Variants in CLNS1A observed in about 807,000 individuals in gnomAD.
CLNS1A encodes the protein chloride nucleotide-sensitive channel 1A.
In CLNS1A, 16 loss-of-function variants were observed where a neutral mutation model predicts 29.4. The ratio of observed to expected loss-of-function variants is 0.54; its 90% CI spans 0.37 to 0.83. CLNS1A has a LOEUF of 0.83. Ranked by LOEUF, CLNS1A falls within the 40% of genes least tolerant of loss-of-function variation. The pLI, the probability that CLNS1A is intolerant of heterozygous loss-of-function variation, is 0.00. For missense variants in CLNS1A, 235 were observed against 287.4 expected (o/e 0.82, Z 1.32); for synonymous variants, 96 against 104.8 (o/e 0.92, Z 0.51).
At chr11:77,631,402 G>A (rs1228249809) in intron 1 of CLNS1A, among the ~76,000 whole-genome samples, 1 of 149,922 alleles carries the variant, frequency 6.7e-6, no homozygotes, top group South Asian at 2.1e-4. Flanking sequence ...CTCGCTGCAA[G>A]CTCCGCCTCT....
At chr11:77,637,253 A>AAAAAAAAG (rs1554980852) in intron 1 of CLNS1A, among the ~76,000 whole-genome samples, 2 of 147,108 alleles carry the variant, frequency 1.4e-5, no homozygotes, top group African/African-American at 5.0e-5. Context: ...TAAAAAAAAA[A>AAAAAAAAG]AAAAAAGAAA....
intron 1 of CLNS1A, among the ~76,000 whole-genome samples, chr11:77,636,157 A>G (rs1178772934): frequency 6.6e-6 from 1 of 151,748 alleles, no homozygotes; most frequent in Non-Finnish European, 1.5e-5. Flanking sequence ...CGCAGCCTCG[A>G]CCTCCTGGGC....
intron 2 of CLNS1A, 50 bp from the exon 3 acceptor site, chr11:77,625,868 G>A (rs1030708744): frequency 2.9e-6 from 4 of 1,357,712 alleles, no homozygotes; most frequent in African/African-American, 1.5e-5. Flanking sequence ...TTAAAAAAAT[G>A]AAGCATATTG....
chr11:77,619,011 T>A (rs893782711), intron 6 of CLNS1A, among the ~76,000 whole-genome samples: 16 of 152,112 alleles, frequency 1.1e-4, no homozygotes, highest in African/African-American at 3.6e-4. Context: ...TAGGAGGAAG[T>A]TGTAGTGGGG....
Position 77,615,859 on chromosome 11 carries a change from T to G in CLNS1A, c.*859A>C, listed in dbSNP as rs1306498843. 6.6e-6 allele frequency: 1 copy of G among 152,146 alleles called. No homozygotes were observed. Among genetic ancestry groups the G allele is most frequent in the Admixed American group, 6.6e-5 (1 of 15,260 alleles). 9.4% of individuals were successfully genotyped at this position (152,146 alleles called of 1,614,324 possible). A position where few individuals can be genotyped will look rare whatever the true frequency, so the allele number is the denominator to read the frequency against. ...AAAAGTCCAAGTATAAATCAGTAAT[T>G]ACAAATCAGCCTTATAATACCCAGG... On this transcript the variant is annotated 3_prime_UTR_variant, in exon 7 of 7. Coordinates refer to ENST00000525428, the MANE Select transcript of CLNS1A (RefSeq NM_001293.3).
chr11:77,632,983 A>G (rs999950913), intron 1 of CLNS1A, among the ~76,000 whole-genome samples: 1 of 148,418 alleles, frequency 6.7e-6, no homozygotes, highest in African/African-American at 2.5e-5. Flanking sequence ...GCTACTTGGG[A>G]GGCTGAGGCA....
intron 5 of CLNS1A, among the ~76,000 whole-genome samples, chr11:77,620,546 C>G (rs1043145365): frequency 6.6e-6 from 1 of 152,226 alleles, no homozygotes; most frequent in Admixed American, 6.5e-5. Context: ...CGCCTGTAAT[C>G]CCAGCACTTT....
At chr11:77,628,955 T>A (rs933908096) in intron 2 of CLNS1A, among the ~76,000 whole-genome samples, 5 of 152,160 alleles carry the variant, frequency 3.3e-5, no homozygotes, top group African/African-American at 9.7e-5. Flanking sequence ...GGCATCTAAC[T>A]GCTAGACACC....
chr11:77,632,926 A>C (rs1343851709), intron 1 of CLNS1A, among the ~76,000 whole-genome samples: 3 of 151,836 alleles, frequency 2.0e-5, no homozygotes, highest in African/African-American at 7.3e-5. Flanking sequence ...GTCTCTATTA[A>C]AAATACGAAA....
chr11:77,620,665 C>G (rs150848443), intron 5 of CLNS1A, among the ~76,000 whole-genome samples: 1 of 151,802 alleles, frequency 6.6e-6, no homozygotes, highest in South Asian at 2.1e-4. Flanking sequence ...AAAAATTACC[C>G]GGGCATGGTG....
intron 2 of CLNS1A, among the ~76,000 whole-genome samples, chr11:77,628,089 G>A (rs1000147774): frequency 3.9e-5 from 6 of 152,194 alleles, no homozygotes; most frequent in African/African-American, 9.7e-5. Flanking sequence ...CTCCCAAAGT[G>A]TTGGGATTAC....
In CLNS1A at chr11:77,625,836, C is replaced by A; in HGVS notation, c.263-18G>T. On this transcript the variant is annotated intron_variant, in intron 2 of 6. Transcript: ENST00000525428. ...TGATTCTTCTAGAAAATAAAATACCCTTTTAATGTCATTATTTGACTTTAA... is the reference window on the plus strand; with the variant it reads ...TGATTCTTCTAGAAAATAAAATACCATTTTAATGTCATTATTTGACTTTAA... 2 of 1,511,746 alleles carry A rather than the reference C, an allele frequency of 1.3e-6. No homozygotes were observed. The highest frequency in any genetic ancestry group is 1.8e-6 in the Non-Finnish European group (2 of 1,100,922). The allele number at this position is 1,511,746 out of a possible 1,614,324, so 93.6% of individuals were successfully genotyped here. A position where few individuals can be genotyped will look rare whatever the true frequency, so the allele number is the denominator to read the frequency against.
intron 6 of CLNS1A, 21 bp downstream of exon 6, chr11:77,619,585 G>A (rs749505776): frequency 8.8e-6 from 12 of 1,369,054 alleles, no homozygotes; most frequent in Non-Finnish European, 1.3e-5. Flanking sequence ...TCAGCGACAA[G>A]GGAGAAAATG....
chr11:77,636,504 G>A (rs1296012229), intron 1 of CLNS1A, among the ~76,000 whole-genome samples: 1 of 152,102 alleles, frequency 6.6e-6, no homozygotes, highest in Admixed American at 6.6e-5. Flanking sequence ...CTTGTTCAAT[G>A]TCTAAATTTC....
At chr11:77,622,348 T>C (rs1315920094) in intron 5 of CLNS1A, 152 bp downstream of exon 5, 4 of 636,198 alleles carry the variant, frequency 6.3e-6, no homozygotes, top group Non-Finnish European at 1.0e-5. Flanking sequence ...ACAAATGACA[T>C]AAGCATTCCT....
In CLNS1A at chr11:77,615,976, A is replaced by G. The variant is rs1958902697; in HGVS notation, c.*742T>C. On this transcript the variant is annotated 3_prime_UTR_variant, in exon 7 of 7. Transcript: ENST00000525428. ...GGCAGAAATCCCCTGAAATGTGTTA[A>G]ATCTTTGCCTTACTAAATACTTGCC... is the stretch of plus-strand genomic sequence containing the variant. 2.0e-5 allele frequency: 3 copies of G among 152,202 alleles called. No individual in the cohort carries two copies. In the South Asian group the frequency reaches 6.2e-4, roughly 31 times the overall value. 9.4% of individuals were successfully genotyped at this position (152,202 alleles called of 1,614,324 possible).
intron 3 of CLNS1A, chr11:77,625,500 CAG>C (rs886344707): frequency 2.4e-5 from 12 of 506,704 alleles, no homozygotes; most frequent in African/African-American, 7.8e-5. Flanking sequence ...ACCCAGATGA[CAG>C]AGTGTCTACA....
intron 1 of CLNS1A, among the ~76,000 whole-genome samples, chr11:77,631,568 C>T (rs1272823002): frequency 4.6e-5 from 7 of 151,994 alleles, no homozygotes; most frequent in South Asian, 2.1e-4. Flanking sequence ...CCACCCGCCT[C>T]GGCCTCCCAA....
In CLNS1A at chr11:77,615,458, T is replaced by C. The variant is rs1455811308; in HGVS notation, c.*1260A>G. The stretch of plus-strand genomic sequence containing the variant: ...CCTTAAGCAAGTTATTTTACCTCTC[T>C]CTATAACTCAGTTTCCTCAACTATA... On this transcript the variant is annotated 3_prime_UTR_variant, in exon 7 of 7. Transcript: ENST00000525428. 6.6e-6 allele frequency: 1 copy of C among 152,166 alleles called. No homozygotes were observed. Among genetic ancestry groups the C allele is most frequent in the Non-Finnish European group, 1.5e-5 (1 of 68,026 alleles). The allele number at this position is 152,166 out of a possible 1,614,324, so 9.4% of individuals were successfully genotyped here.
Sources: gnomAD v4.1 joint callset for allele counts (sites outside exome capture counted in the v4.1 genomes callset) on GRCh38, gnomAD v4.1.1 for gene constraint, MANE v1.5 for transcripts, NCBI Gene and HGNC (gene_info 2026-07-23, HGNC 2026-07-21) for gene names.